The following ADARB2 variants were observed in gnomAD, a reference collection of about 807,000 sequenced individuals.
The protein encoded by ADARB2 is adenosine deaminase RNA specific B2 (inactive), also known as inactive double-stranded RNA-specific editase B2.
In ADARB2, 25 loss-of-function variants were observed where a neutral mutation model predicts 62.2. The observed-to-expected ratio is 0.40, with a 90% CI of 0.29 to 0.56. The LOEUF is 0.56. Among genes scored for constraint, ADARB2 ranks in the 20% least tolerant of loss-of-function variants. The probability of loss-of-function intolerance (pLI) is 0.43; values close to 1 mark genes in which losing one functional copy is unlikely to be tolerated. For missense variants in ADARB2, 1,071 were observed against 1,077.4 expected (o/e 0.99, Z 0.08); for synonymous variants, 572 against 500.8 (o/e 1.14, Z -1.90).
intron 1 of ADARB2, among the ~76,000 whole-genome samples, chr10:1,385,794 A>G (rs1832520695): frequency 6.6e-6 from 1 of 152,206 alleles, no homozygotes; most frequent in Non-Finnish European, 1.5e-5. Context: ...ATCTCAATCA[A>G]ACTTACATAG....
chr10:1,706,043 G>C (rs887412799), intron 1 of ADARB2, among the ~76,000 whole-genome samples: 1 of 152,156 alleles, frequency 6.6e-6, no homozygotes, highest in African/African-American at 2.4e-5. Flanking sequence ...TGCTTTACCA[G>C]CCATTAGCTG....
At position 1,363,478 on chromosome 10, in the gene ADARB2, G is replaced by T; in HGVS notation, c.627C>A (p.Gly209=). The T allele has an allele frequency of 6.7e-7, 1 of 1,492,638 alleles. No homozygotes were observed. The highest frequency in any genetic ancestry group is 8.9e-7 in the Non-Finnish European group (1 of 1,125,818). The allele number at this position is 1,492,638 out of a possible 1,614,324, so 92.5% of individuals were successfully genotyped here. A position where few individuals can be genotyped will look rare whatever the true frequency, so the allele number is the denominator to read the frequency against. Residue 209 remains glycine, a synonymous_variant, in exon 3 of 10, where the codon GGC becomes GGA. Transcript: ENST00000381312. ...CGGCCTGGTCGGAGGTGAAGTCCGT[G>T]CCGGGGCCCGGGCCCCCGCCCATGG... The part of the protein sequence containing the change: ...HLAMGGGPGP[G]TDFTSDQADF...
intron 4 of ADARB2, among the ~76,000 whole-genome samples, chr10:1,262,239 A>C (rs1391733818): frequency 6.8e-6 from 1 of 147,394 alleles, no homozygotes; most frequent in Non-Finnish European, 1.5e-5. Flanking sequence ...ACATGTATGC[A>C]TATGTAACTA....
intron 1 of ADARB2, among the ~76,000 whole-genome samples, chr10:1,499,766 T>G (rs1221469602): frequency 2.6e-5 from 4 of 151,940 alleles, no homozygotes; most frequent in African/African-American, 9.7e-5. Context: ...TATTACTTGT[T>G]ACTCACTCAT....
intron 6 of ADARB2, among the ~76,000 whole-genome samples, chr10:1,222,512 T>A (rs974708747): frequency 6.7e-6 from 1 of 149,734 alleles, no homozygotes; most frequent in Non-Finnish European, 1.5e-5. Context: ...CTGAATGGTA[T>A]TGCCTAGATT....
At chr10:1,503,193 T>C in intron 1 of ADARB2, among the ~76,000 whole-genome samples, 1 of 152,178 alleles carries the variant, frequency 6.6e-6, no homozygotes, top group South Asian at 2.1e-4. Flanking sequence ...TTATGCAATA[T>C]CAGGCTTTCG....
At position 1,351,509 on chromosome 10, in the gene ADARB2, G is replaced by A. The variant is rs191831606; in HGVS notation, c.1077+11519C>T. On this transcript the variant is annotated intron_variant, in intron 3 of 9. Coordinates refer to ENST00000381312, the MANE Select transcript of ADARB2 (RefSeq NM_018702.4). ...ACCTGCCCAGTTCCCTTATTAGGCC[G>A]AGACACTTTAAATTATCTGCTTCCC... 3.3e-3 allele frequency among the ~76,000 whole-genome samples: 508 copies of A among 152,038 alleles called. 2 individuals are homozygous for A. The highest frequency in any genetic ancestry group is 0.011 in the African/African-American group (442 of 41,456).
chr10:1,636,856 CAT>C (rs1029757513), intron 1 of ADARB2, among the ~76,000 whole-genome samples: 109 of 147,234 alleles, frequency 7.4e-4, no homozygotes, highest in African/African-American at 2.1e-3. Flanking sequence ...AATTATAAAA[CAT>C]ATAATATTGA....
intron 1 of ADARB2, among the ~76,000 whole-genome samples, chr10:1,672,784 C>T (rs1449300483): frequency 7.3e-6 from 1 of 136,458 alleles, no homozygotes; most frequent in Non-Finnish European, 1.6e-5. Context: ...CTCCCTCCCT[C>T]TAACACATAT....
chr10:1,482,231 G>T (rs1301795039), intron 1 of ADARB2, among the ~76,000 whole-genome samples: 1 of 152,182 alleles, frequency 6.6e-6, no homozygotes, highest in African/African-American at 2.4e-5. Context: ...GCACTTGTGG[G>T]TATACGTCCC....
chr10:1,361,308 T>TA (rs1244203440), intron 3 of ADARB2: 1 of 150,210 alleles, frequency 6.7e-6, no homozygotes, highest in Non-Finnish European at 1.5e-5. Context: ...AGGGAGTAAA[T>TA]AAGAAGGAGG....
At chr10:1,471,878 C>T (rs373849190) in intron 1 of ADARB2, among the ~76,000 whole-genome samples, 4 of 152,180 alleles carry the variant, frequency 2.6e-5, no homozygotes, top group East Asian at 1.9e-4. Context: ...AAGGAGAGAA[C>T]CTTGTCTCAC....
At chr10:1,551,506 C>T (rs956535243) in intron 1 of ADARB2, among the ~76,000 whole-genome samples, 1 of 152,250 alleles carries the variant, frequency 6.6e-6, no homozygotes, top group Middle Eastern at 3.2e-3. Context: ...GAGCAGGCCT[C>T]ACACTTTCCC....
chr10:1,650,978 C>T lies in ADARB2; in HGVS notation c.100+86073G>A, dbSNP rs569398467. ...ACTTTAGCAGCTTGGTCTCCCAAGC[C>T]GAGGCTATCTGAAGGACACCAGAGA... On this transcript the variant is annotated intron_variant, in intron 1 of 9. Transcript: ENST00000381312. 6.5e-4 allele frequency among the ~76,000 whole-genome samples: 99 copies of T among 152,290 alleles called. 1 individual carries two copies. The highest frequency in any genetic ancestry group is 2.1e-3 in the African/African-American group (88 of 41,578).
Position 1,658,288 on chromosome 10 carries a change from C to CTATG in ADARB2, c.100+78759_100+78762dup, listed in dbSNP as rs149906917. Among the ~76,000 whole-genome samples, 619 of 151,508 alleles carry CTATG rather than the reference C, an allele frequency of 4.1e-3. 9 individuals are homozygous for CTATG. The highest frequency in any genetic ancestry group is 0.014 in the African/African-American group (586 of 41,188). On this transcript the variant is annotated intron_variant, in intron 1 of 9. Transcript: ENST00000381312. ...TCTCTGTTTTTCTCTGTCTCTCTCTCTATGTAGCTCTTCTGTCTCTCTCTA... is the reference window on the plus strand; with the variant it reads ...TCTCTGTTTTTCTCTGTCTCTCTCTCTATGTATGTAGCTCTTCTGTCTCTCTCTA...
intron 1 of ADARB2, among the ~76,000 whole-genome samples, chr10:1,514,178 A>AATACATATATATATAT (rs1554767853): frequency 1.1e-5 from 1 of 94,158 alleles, no homozygotes; most frequent in East Asian, 4.1e-4. Context: ...GCTGTCTCAA[A>AATACATATATATATAT]ATATATATAT....
intron 1 of ADARB2, among the ~76,000 whole-genome samples, chr10:1,504,734 A>G (rs926755591): frequency 6.6e-6 from 1 of 152,136 alleles, no homozygotes; most frequent in African/African-American, 2.4e-5. Flanking sequence ...ATAAAGCTAC[A>G]TTTTTTTCAA....
chr10:1,569,823 T>A (rs1221095594), intron 1 of ADARB2, among the ~76,000 whole-genome samples: 2 of 152,244 alleles, frequency 1.3e-5, no homozygotes. Context: ...GACTTTCTTA[T>A]AAATGACGTC....
At position 1,451,525 on chromosome 10, in the gene ADARB2, GGAGGGGACACACCTGTTTGAA is replaced by G. The variant is rs1410882152; in HGVS notation, c.101-72386_101-72366del. Reference sequence around the variant, plus strand: ...CAGAGAAGGGGACACACCTGTATGAGGAGGGGACACACCTGTTTGAAGAGGGGACACACCTGTATGAGGAGG... The same window carrying G: ...CAGAGAAGGGGACACACCTGTATGAGGAGGGGACACACCTGTATGAGGAGG... On this transcript the variant is annotated intron_variant, in intron 1 of 9. Transcript: ENST00000381312. Among the ~76,000 whole-genome samples, 903 of 152,140 alleles carry G rather than the reference GGAGGGGACACACCTGTTTGAA, an allele frequency of 5.9e-3. 6 individuals are homozygous for G. The highest frequency in any genetic ancestry group is 0.02 in the African/African-American group (817 of 41,466).
Sources: allele counts gnomAD v4.1 joint callset (sites outside exome capture counted in the v4.1 genomes callset), GRCh38; gene constraint gnomAD v4.1.1; transcripts MANE v1.5; gene names NCBI Gene and HGNC (gene_info 2026-07-23, HGNC 2026-07-21).